The following ROS1 variants were observed in gnomAD, a reference collection of about 807,000 sequenced individuals.
ROS1 encodes proto-oncogene tyrosine-protein kinase ROS.
ROS1 carries 263 observed loss-of-function variants against 273.5 expected under a neutral mutation model. The ratio of observed to expected loss-of-function variants is 0.96; its 90% CI spans 0.87 to 1.06. The LOEUF (loss-of-function observed/expected upper bound fraction) is 1.06, where lower values mean the gene tolerates loss of function less well. Among genes scored for constraint, ROS1 ranks in the 50% least tolerant of loss-of-function variants. ROS1 has a pLI of 0.00. For synonymous variants in ROS1, 1,008 were observed against 954.1 expected (o/e 1.06, Z -1.04); for missense variants, 2,833 against 2,751.1 (o/e 1.03, Z -0.67).
chr6:117,414,485 C>T lies in ROS1; in HGVS notation c.255+34G>A, dbSNP rs765397023. On this transcript the variant is annotated intron_variant, in intron 4 of 43. Coordinates refer to ENST00000368507, the MANE Select transcript of ROS1 (RefSeq NM_001378902.1). Reference sequence around the variant, plus strand: ...AGAGACCAGAGATGAAGACATGTGGCTTGATTACATCTTTTTTGTGATTGC... The same window carrying T: ...AGAGACCAGAGATGAAGACATGTGGTTTGATTACATCTTTTTTGTGATTGC... 1.6e-5 allele frequency: 12 copies of T among 741,914 alleles called. No individual in the cohort carries two copies. In the South Asian group the frequency reaches 1.7e-4, roughly 10 times the overall value. The allele number at this position is 741,914 out of a possible 1,614,324, so 46.0% of individuals were successfully genotyped here.
At chr6:117,402,473 A>G (rs1774024165) in intron 7 of ROS1, among the ~76,000 whole-genome samples, 1 of 152,060 alleles carries the variant, frequency 6.6e-6, no homozygotes, top group African/African-American at 2.4e-5. Context: ...TTCATTTCCA[A>G]TCCTCTAAAT....
chr6:117,412,506 G>C (rs950625451), intron 4 of ROS1, among the ~76,000 whole-genome samples: 4 of 152,042 alleles, frequency 2.6e-5, no homozygotes, highest in African/African-American at 4.8e-5. Flanking sequence ...AAAATGACAA[G>C]CTTCCTACGT....
chr6:117,302,009 C>T (rs2128538602), intron 42 of ROS1, among the ~76,000 whole-genome samples: 1 of 152,108 alleles, frequency 6.6e-6, no homozygotes, highest in East Asian at 1.9e-4. Flanking sequence ...ATATCAGGAG[C>T]TAGGGACATG....
intron 35 of ROS1, among the ~76,000 whole-genome samples, chr6:117,322,195 T>C (rs774846688): frequency 6.6e-6 from 1 of 152,112 alleles, no homozygotes; most frequent in Non-Finnish European, 1.5e-5. Flanking sequence ...TCACATGAAA[T>C]TCAATTTGAA....
At chr6:117,313,376 T>C (rs1775683435) in intron 39 of ROS1, among the ~76,000 whole-genome samples, 2 of 152,084 alleles carry the variant, frequency 1.3e-5, no homozygotes, top group Admixed American at 6.6e-5. Flanking sequence ...GAGACCAGCC[T>C]GACCAACATG....
chr6:117,388,151 G>A, intron 13 of ROS1, 159 bp from the exon 14 acceptor site: 1 of 1,155,250 alleles, frequency 8.7e-7, no homozygotes, highest in Non-Finnish European at 1.2e-6. Flanking sequence ...ATTTGTTGAT[G>A]AGGCTAGGAC....
At chr6:117,376,860 C>T (rs981456963) in intron 18 of ROS1, among the ~76,000 whole-genome samples, 1 of 151,996 alleles carries the variant, frequency 6.6e-6, no homozygotes, top group Non-Finnish European at 1.5e-5. Flanking sequence ...ATTCAAAATT[C>T]CAGCAGGATT....
rs1779354202 is a variant in ROS1, at chr6:117,356,810, T to C, written c.3945A>G (p.Gln1315=). 1 of 1,614,168 alleles carries C rather than the reference T, an allele frequency of 6.2e-7. No individual in the cohort carries two copies. The highest frequency in any genetic ancestry group is 2.2e-5 in the East Asian group (1 of 44,874). The change falls in exon 26 of 44, where the codon CAA becomes CAG. Residue 1315 remains glutamine (Q), a synonymous_variant. Transcript: ENST00000368507. ...HRILQPTATN[Q]QNKRNQCSCN... ...AAGAACATTGATTCCTTTTGTTTTG[T>C]TGGTTTGTAGCTGTGGGTTGCAGAA...
chr6:117,333,158 A>G (rs770263992), intron 32 of ROS1, among the ~76,000 whole-genome samples: 2 of 152,190 alleles, frequency 1.3e-5, no homozygotes, highest in Non-Finnish European at 2.9e-5. Context: ...AAAAAATGAT[A>G]AAGGGGATAT....
At position 117,404,236 on chromosome 6, in the gene ROS1, T is replaced by A. The variant is rs376456253; in HGVS notation, c.465+44A>T. The A allele has an allele frequency of 9.3e-5, 138 of 1,477,884 alleles. No homozygotes were observed. In the Middle Eastern group the frequency reaches 1.6e-3, roughly 17 times the overall value. 91.5% of individuals were successfully genotyped at this position (1,477,884 alleles called of 1,614,324 possible). Reference sequence around the variant, plus strand: ...ACTCCGTCTCAAAAAAAAAAAAAAATTGGGAAGGGGTCTGGGTTGAGGTAC... The same window carrying A: ...ACTCCGTCTCAAAAAAAAAAAAAAAATGGGAAGGGGTCTGGGTTGAGGTAC... On this transcript the variant is annotated intron_variant, in intron 6 of 43. Coordinates refer to ENST00000368507, the MANE Select transcript of ROS1 (RefSeq NM_001378902.1).
chr6:117,418,448 A>G lies in ROS1; in HGVS notation c.168+14T>C. On this transcript the variant is annotated intron_variant, in intron 2 of 43. Coordinates refer to ENST00000368507, the MANE Select transcript of ROS1 (RefSeq NM_001378902.1). ...AACATTGTAATATTCTTGACAACTG[A>G]AGAAATTACTTACCGGTTCACTCAG... The G allele has an allele frequency of 6.3e-7, 1 of 1,577,272 alleles. No homozygotes were observed. The highest frequency in any genetic ancestry group is 8.6e-7 in the Non-Finnish European group (1 of 1,157,072).
chr6:117,380,272 G>C (rs1469126890), intron 17 of ROS1, among the ~76,000 whole-genome samples: 1 of 151,996 alleles, frequency 6.6e-6, no homozygotes. Flanking sequence ...ACTACAATAA[G>C]GTATCCAAGA....
At chr6:117,323,574 G>C (rs960950660) in intron 35 of ROS1, among the ~76,000 whole-genome samples, 1 of 151,922 alleles carries the variant, frequency 6.6e-6, no homozygotes, top group Admixed American at 6.6e-5. Context: ...GACAGTTTGG[G>C]GAATGAAAGA....
At position 117,365,574 on chromosome 6, in the gene ROS1, A is replaced by T; in HGVS notation, c.2958+7T>A. ...GGAAATGAAAGTTACTAGAACCAACACCATACCTTAGAATGAGCACTAAAT... is the reference window on the plus strand; with the variant it reads ...GGAAATGAAAGTTACTAGAACCAACTCCATACCTTAGAATGAGCACTAAAT... On this transcript the variant is annotated splice_region_variant and intron_variant, in intron 20 of 43. Transcript: ENST00000368507. 1 of 1,611,162 alleles carries T rather than the reference A, an allele frequency of 6.2e-7. No individual in the cohort carries two copies. The highest frequency in any genetic ancestry group is 8.5e-7 in the Non-Finnish European group (1 of 1,177,404).
intron 6 of ROS1, among the ~76,000 whole-genome samples, chr6:117,403,710 T>C (rs908431970): frequency 3.9e-5 from 6 of 152,168 alleles, no homozygotes; most frequent in African/African-American, 1.4e-4. Flanking sequence ...AGATAATGAC[T>C]AATGAGGTGA....
chr6:117,344,804 G>T (rs555739286), intron 27 of ROS1, among the ~76,000 whole-genome samples: 1 of 152,066 alleles, frequency 6.6e-6, no homozygotes, highest in Non-Finnish European at 1.5e-5. Context: ...CCTGGCCACC[G>T]CTTACAACCA....
chr6:117,406,930 A>G (rs933321933), intron 5 of ROS1, among the ~76,000 whole-genome samples: 1 of 152,188 alleles, frequency 6.6e-6, no homozygotes, highest in African/African-American at 2.4e-5. Flanking sequence ...CAGATTTCAC[A>G]TATCTCTGTG....
At chr6:117,383,755 A>G (rs1186781414) in intron 16 of ROS1, among the ~76,000 whole-genome samples, 2 of 152,202 alleles carry the variant, frequency 1.3e-5, no homozygotes, top group Non-Finnish European at 2.9e-5. Context: ...AACTAAATTT[A>G]CTTTGCATAA....
intron 1 of ROS1, among the ~76,000 whole-genome samples, chr6:117,422,505 T>C (rs556400166): frequency 5.9e-4 from 90 of 152,290 alleles, no homozygotes; most frequent in African/African-American, 2.1e-3. Flanking sequence ...CCTGTAGCAA[T>C]AAAAACTATG....
Sources: gnomAD v4.1 joint callset for allele counts (sites outside exome capture counted in the v4.1 genomes callset) on GRCh38, gnomAD v4.1.1 for gene constraint, MANE v1.5 for transcripts, NCBI Gene and HGNC (gene_info 2026-07-23, HGNC 2026-07-21) for gene names.